Variants in CASKIN2 observed in about 807,000 individuals in gnomAD.
CASKIN2 encodes caskin-2.
A neutral mutation model predicts 107.1 loss-of-function variants in CASKIN2; 41 were observed. That is an observed-to-expected ratio of 0.38 (90% CI 0.30 to 0.50). The LOEUF (loss-of-function observed/expected upper bound fraction) is 0.50, where lower values mean the gene tolerates loss of function less well. Ranked by LOEUF, CASKIN2 falls within the 20% of genes least tolerant of loss-of-function variation. The pLI, the probability that CASKIN2 is intolerant of heterozygous loss-of-function variation, is 0.92. For synonymous variants in CASKIN2, 724 were observed against 705.6 expected, an observed-to-expected ratio of 1.03 and a Z score of -0.41; for missense variants, 1,546 against 1,657.4, an observed-to-expected ratio of 0.93 and a Z score of 1.17.
At position 75,500,729 on chromosome 17, in the gene CASKIN2, TGG is replaced by T. The variant is rs1349311133; in HGVS notation, c.*349_*350del. On this transcript the variant is annotated 3_prime_UTR_variant, in exon 20 of 20. Transcript: ENST00000321617. The stretch of plus-strand genomic sequence containing the variant: ...CCTTGGCACAACTTGGGACATGGGC[TGG>T]GGGGTACAGAGAAAGCACCCCCAAA... 2.7e-5 allele frequency: 8 copies of T among 299,644 alleles called. No homozygotes were observed. In the East Asian group the frequency reaches 7.6e-4, roughly 28 times the overall value. 18.6% of individuals were successfully genotyped at this position (299,644 alleles called of 1,614,324 possible). A position where few individuals can be genotyped will look rare whatever the true frequency, so the allele number is the denominator to read the frequency against.
Position 75,507,237 on chromosome 17 carries a change from G to A in CASKIN2, c.245-108C>T, listed in dbSNP as rs114287492. The A allele has an allele frequency of 2.9e-4, 367 of 1,262,754 alleles. 3 individuals are homozygous for A. In the African/African-American group the frequency reaches 4.9e-3, roughly 17 times the overall value. The allele number at this position is 1,262,754 out of a possible 1,614,324, so 78.2% of individuals were successfully genotyped here. On this transcript the variant is annotated intron_variant, in intron 4 of 19. Transcript: ENST00000321617. ...CCAGCTGGGAGGGCAGAGAGCCCAC[G>A]GGGATGCAATGCTGGCTCTATCCAG...
chr17:75,504,646 G>A lies in CASKIN2; in HGVS notation c.1240C>T (p.Arg414Cys), dbSNP rs1303199862. The A allele has an allele frequency of 6.2e-7, 1 of 1,607,138 alleles. No homozygotes were observed. The highest frequency in any genetic ancestry group is 8.5e-7 in the Non-Finnish European group (1 of 1,176,210). Residue 414 changes from arginine (R) to cysteine (C), a missense_variant, in exon 12 of 20, where the codon CGC becomes TGC. This residue lies in a region of CASKIN2 where 1,311 missense variants were observed against 1,311.0 expected (regional missense o/e 1.00). Transcript: ENST00000321617. Reference protein sequence around the residue: ...VGSEGSVGSIRSAGSGQSSEG... With the variant: ...VGSEGSVGSICSAGSGQSSEG... Reference sequence around the variant, plus strand: ...GAGCTCTGCCCGCTGCCGGCACTGCGGATGCTGCCCACGCTGCCCTCACTG... The same window carrying A: ...GAGCTCTGCCCGCTGCCGGCACTGCAGATGCTGCCCACGCTGCCCTCACTG...
intron 2 of CASKIN2, chr17:75,509,668 G>C: frequency 2.0e-6 from 2 of 984,154 alleles, no homozygotes; most frequent in Non-Finnish European, 2.4e-6. Flanking sequence ...CTCTAGAAGC[G>C]GAAGTGCACA....
intron 17 of CASKIN2, 66 bp from the exon 18 acceptor site, chr17:75,503,320 C>T (rs939842913): frequency 3.4e-5 from 54 of 1,582,002 alleles, no homozygotes; most frequent in Non-Finnish European, 4.5e-5. Context: ...CCGCTGGGCC[C>T]CATACTGTCT....
In CASKIN2 at chr17:75,503,174, C is replaced by T. The variant is rs769408623; in HGVS notation, c.1900G>A (p.Glu634Lys). The T allele has an allele frequency of 4.4e-6, 7 of 1,602,576 alleles. No homozygotes were observed. Among genetic ancestry groups the T allele is most frequent in the Non-Finnish European group, 5.1e-6 (6 of 1,176,780 alleles). Residue 634 changes from glutamate (E) to lysine (K), a missense_variant, in exon 18 of 20, where the codon GAA (glutamate) becomes AAA (lysine). By Grantham distance (56) the Glu-to-Lys change is moderately conservative (BLOSUM62 1). Transcript: ENST00000321617. ...CCCTTGGCCAGCCGGCGCCCGCCTT[C>T]GCTGAGGGCCTCCCCCTGCAGCAGG... ...RGLLQGEALS[E>K]GGRRLAKGPE... is the part of the protein sequence containing the mutation.
intron 2 of CASKIN2, chr17:75,509,653 A>C: frequency 1.7e-5 from 17 of 985,182 alleles, no homozygotes; most frequent in Non-Finnish European, 2.0e-5. Flanking sequence ...TAGAAAGAAG[A>C]GGGGCTCTAG....
intron 3 of CASKIN2, 170 bp from the exon 4 acceptor site, chr17:75,507,851 G>A: frequency 3.3e-6 from 2 of 605,074 alleles, no homozygotes; most frequent in East Asian, 2.8e-5. Flanking sequence ...AGCATGAAAG[G>A]GCTCAGTGTC....
Position 75,503,072 on chromosome 17 carries a change from GGAAGGT to G in CASKIN2, c.1996_2001del (p.Thr666_Phe667del), listed in dbSNP as rs2053221600. 2 of 1,607,066 alleles carry G rather than the reference GGAAGGT, an allele frequency of 1.2e-6. No homozygotes were observed. Among genetic ancestry groups the G allele is most frequent in the Non-Finnish European group, 1.7e-6 (2 of 1,178,644 alleles). Reference sequence around the variant, plus strand: ...AGCTCTGGGCTTAGTTCGCTGCCCTGGAAGGTGAGGAGCCGTGGGCCAGCTGTAGCT... The same window carrying G: ...AGCTCTGGGCTTAGTTCGCTGCCCTGGAGGAGCCGTGGGCCAGCTGTAGCT... On this transcript the variant is annotated inframe_deletion, in exon 18 of 20. Coordinates refer to ENST00000321617, the MANE Select transcript of CASKIN2 (RefSeq NM_020753.5).
rs1336149323 is a variant in CASKIN2 at position 75,501,946 on chromosome 17, C to T, written c.3128G>A (p.Ser1043Asn). Residue 1043 changes from serine (S) to asparagine (N), a missense_variant, in exon 18 of 20, where the codon AGC becomes AAC. Ser to Asn is a conservative substitution (Grantham distance 46). Around this residue, in one of 6 missense-constraint regions of CASKIN2, gnomAD observed 1,311 missense variants for 1,311.0 expected, o/e 1.00. Transcript: ENST00000321617. ...ASSLPQPEPS[S>N]LPAQGVPTPL... is the part of the protein sequence containing the mutation. The stretch of plus-strand genomic sequence containing the variant: ...GGTTGGAACTCCTTGGGCTGGAAGG[C>T]TGCTGGGCTCGGGCTGGGGAAGGCT... The T allele has an allele frequency of 1.2e-6, 2 of 1,602,312 alleles. No individual in the cohort carries two copies. The highest frequency in any genetic ancestry group is 1.3e-5 in the African/African-American group (1 of 74,752).
chr17:75,501,008 G>A lies in CASKIN2; in HGVS notation c.*72C>T, dbSNP rs2053172700. 7.0e-7 allele frequency: 1 copy of A among 1,418,838 alleles called. No homozygotes were observed. The highest frequency in any genetic ancestry group is 2.5e-5 in the East Asian group (1 of 40,294). 87.9% of individuals were successfully genotyped at this position (1,418,838 alleles called of 1,614,324 possible). On this transcript the variant is annotated 3_prime_UTR_variant, in exon 20 of 20. Coordinates refer to ENST00000321617, the MANE Select transcript of CASKIN2 (RefSeq NM_020753.5). ...CCAGCCCTTGGCCCGTCCCTAGGGT[G>A]GCAGGGGCCTCTTCTGTGCTGGGGC...
chr17:75,508,431 C>T, intron 2 of CASKIN2, 146 bp from the exon 3 acceptor site: 3 of 844,054 alleles, frequency 3.6e-6, no homozygotes, highest in Non-Finnish European at 5.7e-6. Flanking sequence ...GTCCCTGTGG[C>T]TCCCCACCCT....
rs555716667 is a variant in CASKIN2, at chr17:75,504,962, G to A, written c.1042C>T (p.Arg348Trp). 12 of 1,611,936 alleles carry A rather than the reference G, an allele frequency of 7.4e-6. No homozygotes were observed. The highest frequency in any genetic ancestry group is 3.3e-5 in the South Asian group (3 of 91,048). ...AGGCGGGCTGCAGGGATGCCCACCC[G>A]CTTGCTGACCACCTCGACAATGCCC... ...PPGIVEVVSK[R>W]VGIPAARLPS... The change falls in exon 11 of 20, where the codon CGG becomes TGG. Residue 348 changes from arginine (R) to tryptophan (W), a missense_variant. Coordinates refer to ENST00000321617, the MANE Select transcript of CASKIN2 (RefSeq NM_020753.5).
Position 75,500,837 on chromosome 17 carries a change from T to G in CASKIN2, c.*243A>C. The stretch of plus-strand genomic sequence containing the variant: ...GAGCAGGGCTGTCCTGCTCAATCGA[T>G]CAAACCCTGGGAGGGGCTTTGCTGA... On this transcript the variant is annotated 3_prime_UTR_variant, in exon 20 of 20. Coordinates refer to ENST00000321617, the MANE Select transcript of CASKIN2 (RefSeq NM_020753.5). 1 of 515,964 alleles carries G rather than the reference T, an allele frequency of 1.9e-6. No homozygotes were observed. The highest frequency in any genetic ancestry group is 3.5e-6 in the Non-Finnish European group (1 of 283,240). 32.0% of individuals were successfully genotyped at this position (515,964 alleles called of 1,614,324 possible).
In CASKIN2 at chr17:75,501,808, G is replaced by A. The variant is rs2053192736; in HGVS notation, c.3266C>T (p.Pro1089Leu). The change falls in exon 18 of 20, where the codon CCT (proline) becomes CTT (leucine). Residue 1089 changes from proline to leucine, a missense_variant. Physicochemically the swap from Pro to Leu is moderately conservative, Grantham distance 98. Around this residue, in one of 6 missense-constraint regions of CASKIN2, gnomAD observed 1,311 missense variants for 1,311.0 expected, o/e 1.00. Coordinates refer to ENST00000321617, the MANE Select transcript of CASKIN2 (RefSeq NM_020753.5). ...TCCGGGCACCTTGAGGAGGGCAGCAGGGGCGGCCGGGGGTTCTGTCTCCCC... is the reference window on the plus strand; with the variant it reads ...TCCGGGCACCTTGAGGAGGGCAGCAAGGGCGGCCGGGGGTTCTGTCTCCCC... ...WNGETEPPAA[P>L]AALLKVPGAG... 1 of 1,545,174 alleles carries A rather than the reference G, an allele frequency of 6.5e-7. No homozygotes were observed. The highest frequency in any genetic ancestry group is 1.4e-5 in the African/African-American group (1 of 72,824).
At chr17:75,508,051 G>A (rs568501136) in intron 3 of CASKIN2, among the ~76,000 whole-genome samples, 183 bp downstream of exon 3, 41 of 152,234 alleles carry the variant, frequency 2.7e-4, no homozygotes, top group African/African-American at 8.9e-4. Context: ...CTCCACGGGC[G>A]GGCGGGTGCC....
At chr17:75,507,496 G>A (rs1251938027) in intron 4 of CASKIN2, 88 bp downstream of exon 4, 30 of 972,432 alleles carry the variant, frequency 3.1e-5, no homozygotes, top group South Asian at 1.2e-4. Context: ...GCATTGCTAC[G>A]TTGTCATAGG....
In CASKIN2 at chr17:75,501,848, C is replaced by T. The variant is rs201276652; in HGVS notation, c.3226G>A (p.Ala1076Thr). 1.3e-6 allele frequency: 2 copies of T among 1,559,838 alleles called. No homozygotes were observed. Among genetic ancestry groups the T allele is most frequent in the African/African-American group, 2.7e-5 (2 of 73,316 alleles). The change falls in exon 18 of 20, where the codon GCT becomes ACT. Residue 1076 changes from alanine (A) to threonine (T), a missense_variant. Around this residue, in one of 6 missense-constraint regions of CASKIN2, gnomAD observed 1,311 missense variants for 1,311.0 expected, o/e 1.00. Coordinates refer to ENST00000321617, the MANE Select transcript of CASKIN2 (RefSeq NM_020753.5). ...TCTGTCTCCCCATTCCACCGACTAG[C>T]TGCTGAGCTTTCCAGACCTGGCCCT... ...CPGPGLESSA[A>T]SRWNGETEPP...
intron 2 of CASKIN2, among the ~76,000 whole-genome samples, chr17:75,509,156 CCT>C (rs926611843): frequency 6.6e-6 from 1 of 152,342 alleles, no homozygotes; most frequent in African/African-American, 2.4e-5. Flanking sequence ...GGGGCCACCC[CCT>C]CTCGGGGCAG....
rs370336352 is a variant in CASKIN2, at chr17:75,501,860, C to G, written c.3214G>C (p.Glu1072Gln). 3 of 1,561,700 alleles carry G rather than the reference C, an allele frequency of 1.9e-6. No homozygotes were observed. The highest frequency in any genetic ancestry group is 2.7e-5 in the African/African-American group (2 of 73,334). The change falls in exon 18 of 20, where the codon GAA becomes CAA. Residue 1072 changes from glutamate to glutamine, a missense_variant. Physicochemically the swap from Glu to Gln is conservative, Grantham distance 29. Around this residue, in one of 6 missense-constraint regions of CASKIN2, gnomAD observed 1,311 missense variants for 1,311.0 expected, o/e 1.00. Transcript: ENST00000321617. ...PVPPCPGPGL[E>Q]SSAASRWNGE... ...TTCCACCGACTAGCTGCTGAGCTTT[C>G]CAGACCTGGCCCTGGGCAGGGCGGC...
Sources: gnomAD v4.1 joint callset for allele counts (sites outside exome capture counted in the v4.1 genomes callset) on GRCh38, gnomAD v4.1.1 for gene constraint, gnomAD v4.1.1 regional missense constraint, MANE v1.5 for transcripts, NCBI Gene and HGNC (gene_info 2026-07-23, HGNC 2026-07-21) for gene names.